The following CMC1 variants were observed in gnomAD, a reference collection of about 807,000 sequenced individuals.
CMC1 encodes C-X9-C motif containing 1, also known as COX assembly mitochondrial protein homolog.
A neutral mutation model predicts 14.1 loss-of-function variants in CMC1; 14 were observed. That is an observed-to-expected ratio of 0.99 (90% CI 0.66 to 1.55). The LOEUF (loss-of-function observed/expected upper bound fraction) is 1.55, where lower values mean the gene tolerates loss of function less well. Among genes scored for constraint, CMC1 ranks in the 40% most tolerant of loss-of-function variants. CMC1 has a pLI of 0.00. For missense variants in CMC1, 127 were observed against 123.8 expected (o/e 1.03, Z -0.12); for synonymous variants, 50 against 38.4 (o/e 1.30, Z -1.12).
chr3:28,287,305 C>T (rs1377071098), intron 2 of CMC1, among the ~76,000 whole-genome samples: 2 of 152,114 alleles, frequency 1.3e-5, no homozygotes, highest in Non-Finnish European at 2.9e-5. Flanking sequence ...GACTATTTCT[C>T]TCAGTTTGAA....
chr3:28,319,082 T>C (rs1440502724), intron 3 of CMC1: 1 of 360,342 alleles, frequency 2.8e-6, no homozygotes, highest in Non-Finnish European at 5.5e-6. Flanking sequence ...CCATGTGTCT[T>C]CCCACACTTG....
chr3:28,251,085 A>G (rs749159039), intron 1 of CMC1, among the ~76,000 whole-genome samples: 1 of 152,198 alleles, frequency 6.6e-6, no homozygotes, highest in African/African-American at 2.4e-5. Context: ...TTATGTTGCT[A>G]TAAATGAATA....
chr3:28,272,131 A>T (rs1700323367), intron 2 of CMC1, among the ~76,000 whole-genome samples: 1 of 152,132 alleles, frequency 6.6e-6, no homozygotes, highest in Non-Finnish European at 1.5e-5. Context: ...GGGCTGAGAC[A>T]GTGGGGTTTT....
intron 2 of CMC1, among the ~76,000 whole-genome samples, chr3:28,281,690 T>C (rs1700900967): frequency 6.6e-6 from 1 of 152,144 alleles, no homozygotes; most frequent in Admixed American, 6.6e-5. Context: ...AAACAATTTA[T>C]AATAAAATAC....
chr3:28,244,129 G>C (rs1006986237), intron 1 of CMC1, among the ~76,000 whole-genome samples: 12 of 152,182 alleles, frequency 7.9e-5, no homozygotes, highest in African/African-American at 2.4e-4. Context: ...AGTCCTCAAA[G>C]GCTGGCTGTG....
intron 1 of CMC1, among the ~76,000 whole-genome samples, chr3:28,262,507 G>C (rs1050942256): frequency 6.6e-6 from 1 of 152,002 alleles, no homozygotes; most frequent in African/African-American, 2.4e-5. Flanking sequence ...TTTCCTCCAG[G>C]GAAGTTTTCT....
intron 2 of CMC1, among the ~76,000 whole-genome samples, chr3:28,307,331 C>T (rs1471780008): frequency 6.6e-6 from 1 of 152,068 alleles, no homozygotes; most frequent in East Asian, 1.9e-4. Context: ...CAAGACCAGC[C>T]TGTGCAATAT....
At chr3:28,303,166 C>T (rs531339437) in intron 2 of CMC1, among the ~76,000 whole-genome samples, 9 of 152,102 alleles carry the variant, frequency 5.9e-5, no homozygotes, top group Non-Finnish European at 1.3e-4. Flanking sequence ...GTGCCTGGTA[C>T]AGAGTAAACA....
intron 2 of CMC1, among the ~76,000 whole-genome samples, chr3:28,302,179 GA>G (rs1172588347): frequency 6.6e-6 from 1 of 152,146 alleles, no homozygotes. Context: ...TTGCAAGTAT[GA>G]AAAAGTCCAA....
intron 2 of CMC1, among the ~76,000 whole-genome samples, chr3:28,269,127 G>A (rs542386790): frequency 6.6e-6 from 1 of 152,254 alleles, no homozygotes; most frequent in East Asian, 1.9e-4. Context: ...TGTATGTAGA[G>A]GAAATAAACA....
At position 28,274,857 on chromosome 3, in the gene CMC1, A is replaced by C. The variant is rs537399060; in HGVS notation, c.109+11477A>C. 3.3e-5 allele frequency among the ~76,000 whole-genome samples: 5 copies of C among 152,152 alleles called. No homozygotes were observed. The South Asian group carries it at 1.0e-3, about 32-fold the overall frequency. ...TCTTGTCTGCCTGTCTTATTTCAGC[A>C]AGATAGTCTTCAAGCTCTGAAATTC... is the stretch of plus-strand genomic sequence containing the variant. On this transcript the variant is annotated intron_variant, in intron 2 of 3. Coordinates refer to ENST00000466830, the MANE Select transcript of CMC1 (RefSeq NM_182523.2).
intron 2 of CMC1, among the ~76,000 whole-genome samples, chr3:28,291,059 C>T (rs775960888): frequency 6.6e-6 from 1 of 152,070 alleles, no homozygotes; most frequent in Admixed American, 6.6e-5. Context: ...ACTTCCTTCC[C>T]ACATGAGCCT....
chr3:28,289,108 GTTT>G (rs879794518), intron 2 of CMC1, among the ~76,000 whole-genome samples: 2 of 150,346 alleles, frequency 1.3e-5, no homozygotes, highest in Non-Finnish European at 3.0e-5. Flanking sequence ...GTTCTTTGAG[GTTT>G]TTTTTAAGTT....
rs1358426997 is a variant in CMC1 at position 28,324,064 on chromosome 3, T to C, written c.*4435T>C. On this transcript the variant is annotated 3_prime_UTR_variant, in exon 4 of 4. Transcript: ENST00000466830. ...AAATTAATTCTTATAAAGGCAGTTCTGATTATGTTGATCCAAGTAATGCAG... is the reference window on the plus strand; with the variant it reads ...AAATTAATTCTTATAAAGGCAGTTCCGATTATGTTGATCCAAGTAATGCAG... The C allele has an allele frequency of 6.2e-7, 1 of 1,608,596 alleles. No individual in the cohort carries two copies. The highest frequency in any genetic ancestry group is 1.3e-5 in the African/African-American group (1 of 74,628).
intron 2 of CMC1, among the ~76,000 whole-genome samples, chr3:28,297,602 C>G (rs1221065621): frequency 6.6e-6 from 1 of 152,078 alleles, no homozygotes; most frequent in Non-Finnish European, 1.5e-5. Context: ...CAGCAGATGA[C>G]ACAGACCATC....
intron 2 of CMC1, among the ~76,000 whole-genome samples, chr3:28,282,458 C>T (rs1700951734): frequency 6.6e-6 from 1 of 152,008 alleles, no homozygotes; most frequent in South Asian, 2.1e-4. Flanking sequence ...TCCTTACCTT[C>T]TCTGGAGAAA....
At chr3:28,294,196 T>C (rs1157228967) in intron 2 of CMC1, among the ~76,000 whole-genome samples, 2 of 152,168 alleles carry the variant, frequency 1.3e-5, no homozygotes, top group African/African-American at 4.8e-5. Context: ...GGAGCAATAA[T>C]GTAAGTGAGC....
intron 2 of CMC1, among the ~76,000 whole-genome samples, chr3:28,286,417 A>T (rs1395240694): frequency 6.6e-6 from 1 of 152,180 alleles, no homozygotes; most frequent in Non-Finnish European, 1.5e-5. Flanking sequence ...TGTAAGTTTT[A>T]ACATGTCATT....
intron 2 of CMC1, among the ~76,000 whole-genome samples, chr3:28,313,703 G>C (rs929886275): frequency 2.0e-5 from 3 of 152,164 alleles, no homozygotes; most frequent in Non-Finnish European, 4.4e-5. Context: ...TATAGACTAT[G>C]CCTTTATTGT....
Sources: allele counts gnomAD v4.1 joint callset (sites outside exome capture counted in the v4.1 genomes callset), GRCh38; gene constraint gnomAD v4.1.1; transcripts MANE v1.5; gene names NCBI Gene and HGNC (gene_info 2026-07-23, HGNC 2026-07-21).